Variants in LHFPL6 observed in about 807,000 individuals in gnomAD.
LHFPL6 encodes LHFPL tetraspan subfamily member 6, also known as LHFPL tetraspan subfamily member 6 protein.
In LHFPL6, 9 loss-of-function variants were observed where a neutral mutation model predicts 20.6. That is an observed-to-expected ratio of 0.44 (90% confidence interval 0.26 to 0.76). The LOEUF is 0.76. Ranked by LOEUF, LHFPL6 falls within the 30% of genes least tolerant of loss-of-function variation. LHFPL6 has a pLI of 0.20. For synonymous variants in LHFPL6, 105 were observed against 98.7 expected, an observed-to-expected ratio of 1.06 and a Z score of -0.38; for missense variants, 218 against 253.5, an observed-to-expected ratio of 0.86 and a Z score of 0.95.
At chr13:39,349,743 G>A (rs1489895431) in intron 3 of LHFPL6, among the ~76,000 whole-genome samples, 2 of 152,208 alleles carry the variant, frequency 1.3e-5, no homozygotes, top group Admixed American at 6.6e-5. Context: ...TAAATTAGAA[G>A]TGAGATCTAA....
chr13:39,375,689 C>CA (rs59712573), intron 3 of LHFPL6, among the ~76,000 whole-genome samples: 22,214 of 129,446 alleles, frequency 0.17, 2,287 homozygotes, highest in African/African-American at 0.28. Flanking sequence ...GTCTTTGTCT[C>CA]AAAAAAAAAA....
At chr13:39,446,290 C>T (rs1872288055) in intron 2 of LHFPL6, among the ~76,000 whole-genome samples, 1 of 152,248 alleles carries the variant, frequency 6.6e-6, no homozygotes, top group African/African-American at 2.4e-5. Flanking sequence ...TATGAGACTC[C>T]CATCCTCTCC....
At chr13:39,559,525 G>C (rs1871406450) in intron 2 of LHFPL6, among the ~76,000 whole-genome samples, 1 of 152,204 alleles carries the variant, frequency 6.6e-6, no homozygotes, top group South Asian at 2.1e-4. Flanking sequence ...ACTTCCTCCA[G>C]TGCCATTCCT....
chr13:39,416,281 A>G (rs1228462686), intron 2 of LHFPL6, among the ~76,000 whole-genome samples: 1 of 152,116 alleles, frequency 6.6e-6, no homozygotes, highest in African/African-American at 2.4e-5. Context: ...TTGTTCATTA[A>G]TGTATCCCAA....
At chr13:39,378,914 A>G (rs1213938084) in intron 2 of LHFPL6, among the ~76,000 whole-genome samples, 1 of 152,196 alleles carries the variant, frequency 6.6e-6, no homozygotes, top group Non-Finnish European at 1.5e-5. Flanking sequence ...TTTCTTATTC[A>G]CTAGATTTTT....
chr13:39,367,491 T>C (rs4142536), intron 3 of LHFPL6, among the ~76,000 whole-genome samples: 9,306 of 152,292 alleles, frequency 0.061, 436 homozygotes, highest in African/African-American at 0.13. Flanking sequence ...ATAATATCCC[T>C]TAACAAATAC....
intron 3 of LHFPL6, among the ~76,000 whole-genome samples, chr13:39,370,969 G>T (rs771186782): frequency 6.6e-6 from 1 of 152,202 alleles, no homozygotes; most frequent in East Asian, 1.9e-4. Context: ...GATTAGATTT[G>T]AGAGGCAAGA....
intron 2 of LHFPL6, among the ~76,000 whole-genome samples, chr13:39,436,395 A>G (rs545360297): frequency 6.6e-6 from 1 of 152,366 alleles, no homozygotes; most frequent in East Asian, 1.9e-4. Flanking sequence ...AATAAAAAGT[A>G]ACAAGTTAAC....
intron 2 of LHFPL6, among the ~76,000 whole-genome samples, chr13:39,445,506 T>C (rs984775678): frequency 6.6e-6 from 1 of 152,222 alleles, no homozygotes; most frequent in Admixed American, 6.5e-5. Context: ...TCAGTCTTAG[T>C]ATAGAACAGA....
chr13:39,533,182 G>T (rs934488176), intron 2 of LHFPL6, among the ~76,000 whole-genome samples: 6 of 152,180 alleles, frequency 3.9e-5, no homozygotes, highest in African/African-American at 1.4e-4. Flanking sequence ...AAACATGTGG[G>T]TGGCCCAAGT....
chr13:39,366,278 C>T (rs1490695667), intron 3 of LHFPL6, among the ~76,000 whole-genome samples: 2 of 152,200 alleles, frequency 1.3e-5, no homozygotes, highest in Non-Finnish European at 1.5e-5. Flanking sequence ...AATCCACAAT[C>T]TTGAGTATTT....
At chr13:39,358,027 C>T (rs935191103) in intron 3 of LHFPL6, among the ~76,000 whole-genome samples, 2 of 151,958 alleles carry the variant, frequency 1.3e-5, no homozygotes, top group Non-Finnish European at 2.9e-5. Context: ...CATCATTGTT[C>T]ATACAATTAG....
intron 2 of LHFPL6, among the ~76,000 whole-genome samples, chr13:39,413,510 C>T (rs1871282040): frequency 6.7e-6 from 1 of 149,502 alleles, no homozygotes; most frequent in South Asian, 2.1e-4. Flanking sequence ...GCCTCAACCT[C>T]TCTGCTCAAG....
At chr13:39,391,647 T>G (rs1870710994) in intron 2 of LHFPL6, among the ~76,000 whole-genome samples, 7 of 152,236 alleles carry the variant, frequency 4.6e-5, no homozygotes, top group Admixed American at 4.6e-4. Flanking sequence ...TTGTTTTCAC[T>G]ATTTATGCTC....
intron 2 of LHFPL6, among the ~76,000 whole-genome samples, chr13:39,511,451 A>G (rs1171516923): frequency 1.4e-5 from 2 of 145,080 alleles, no homozygotes; most frequent in African/African-American, 5.5e-5. Context: ...ACCCCTGTCA[A>G]TTGATTTAAA....
intron 2 of LHFPL6, among the ~76,000 whole-genome samples, chr13:39,582,964 A>G (rs1448045579): frequency 6.6e-6 from 1 of 152,192 alleles, no homozygotes; most frequent in Admixed American, 6.5e-5. Flanking sequence ...GCCATATTAT[A>G]TTAAGTCTCA....
chr13:39,375,829 A>G (rs1485984250), intron 3 of LHFPL6, among the ~76,000 whole-genome samples: 2 of 152,014 alleles, frequency 1.3e-5, no homozygotes, highest in African/African-American at 4.8e-5. Flanking sequence ...ACCTTGATAA[A>G]CCCCAAAAAA....
intron 2 of LHFPL6, among the ~76,000 whole-genome samples, chr13:39,503,039 C>G (rs902592678): frequency 6.6e-6 from 1 of 152,146 alleles, no homozygotes; most frequent in Non-Finnish European, 1.5e-5. Flanking sequence ...ATTACAGCCA[C>G]AAGCCACCAC....
intron 2 of LHFPL6, among the ~76,000 whole-genome samples, chr13:39,582,515 C>G (rs1314776543): frequency 6.6e-6 from 1 of 152,134 alleles, no homozygotes; most frequent in Non-Finnish European, 1.5e-5. Flanking sequence ...TAACCCGCAA[C>G]CAATGGGAAG....
Sources: allele counts gnomAD v4.1 joint callset (sites outside exome capture counted in the v4.1 genomes callset), GRCh38; gene constraint gnomAD v4.1.1; transcripts MANE v1.5; gene names NCBI Gene and HGNC (gene_info 2026-07-23, HGNC 2026-07-21).